Variants in THSD7A observed in about 807,000 individuals in gnomAD.
The protein encoded by THSD7A is thrombospondin type-1 domain-containing protein 7A.
In THSD7A, 96 loss-of-function variants were observed where a neutral mutation model predicts 231.3. That is an observed-to-expected ratio of 0.41 (90% confidence interval 0.35 to 0.49). The LOEUF is 0.49. THSD7A is among the 20% of genes least tolerant of loss of function. The pLI is 0.05. For missense variants in THSD7A, 2,290 were observed against 2,070.2 expected (o/e 1.11, Z -2.06); for synonymous variants, 940 against 743.3 (o/e 1.26, Z -4.30).
chr7:11,469,951 G>T lies in THSD7A; in HGVS notation c.2296C>A (p.Leu766Ile). 1 of 1,601,060 alleles carries T rather than the reference G, an allele frequency of 6.2e-7. No homozygotes were observed. The highest frequency in any genetic ancestry group is 8.5e-7 in the Non-Finnish European group (1 of 1,173,120). ...ACAATACAGTCCTTCTTACAAGGAA[G>T]CAGACAAGGCCTTACAGTTTCAGGT... ...LRPETVRPCLLPCKKDCIVTP... is the reference protein window; with the variant it reads ...LRPETVRPCLIPCKKDCIVTP... Residue 766 changes from leucine (L) to isoleucine (I), a missense_variant, in exon 9 of 28, where the codon CTT (leucine) becomes ATT (isoleucine). Leu to Ile is a conservative substitution (Grantham distance 5). Transcript: ENST00000423059.
chr7:11,472,161 T>C (rs939846288), intron 8 of THSD7A, among the ~76,000 whole-genome samples: 3 of 152,280 alleles, frequency 2.0e-5, no homozygotes, highest in South Asian at 4.1e-4. Context: ...GGACTTCCTT[T>C]GGCAAGGCAA....
intron 1 of THSD7A, among the ~76,000 whole-genome samples, chr7:11,668,905 G>A (rs1260726172): frequency 3.3e-5 from 5 of 151,740 alleles, no homozygotes; most frequent in Non-Finnish European, 7.4e-5. Context: ...ACACTCTACT[G>A]AATTCTGTAC....
intron 1 of THSD7A, among the ~76,000 whole-genome samples, chr7:11,722,946 A>G (rs1381712958): frequency 1.3e-5 from 2 of 151,992 alleles, no homozygotes; most frequent in Non-Finnish European, 2.9e-5. Flanking sequence ...AGAACTAGAA[A>G]TACCATTTGA....
chr7:11,774,822 A>C (rs1425667662), intron 1 of THSD7A, among the ~76,000 whole-genome samples: 1 of 152,224 alleles, frequency 6.6e-6, no homozygotes, highest in Non-Finnish European at 1.5e-5. Flanking sequence ...TGGGAGGACG[A>C]GGTGGACAAA....
chr7:11,616,538 T>A (rs868600131), intron 2 of THSD7A, among the ~76,000 whole-genome samples: 1 of 152,174 alleles, frequency 6.6e-6, no homozygotes, highest in South Asian at 2.1e-4. Context: ...TAATTTAATA[T>A]ATAAAAGCAT....
At chr7:11,743,003 G>A (rs1782163153) in intron 1 of THSD7A, among the ~76,000 whole-genome samples, 1 of 151,810 alleles carries the variant, frequency 6.6e-6, no homozygotes. Flanking sequence ...CTCCCTTATT[G>A]AAGAAATCTG....
chr7:11,825,370 T>G, intron 1 of THSD7A, among the ~76,000 whole-genome samples: 1 of 152,142 alleles, frequency 6.6e-6, no homozygotes, highest in East Asian at 1.9e-4. Context: ...CAGTGGTTTG[T>G]CTGATCTCAA....
At chr7:11,506,285 G>C (rs1331773150) in intron 6 of THSD7A, among the ~76,000 whole-genome samples, 2 of 152,098 alleles carry the variant, frequency 1.3e-5, no homozygotes, top group African/African-American at 4.8e-5. Flanking sequence ...GCCGCGCTGG[G>C]CCTGATGTTT....
At chr7:11,781,675 T>C (rs938117540) in intron 1 of THSD7A, among the ~76,000 whole-genome samples, 6 of 152,330 alleles carry the variant, frequency 3.9e-5, no homozygotes, top group African/African-American at 1.4e-4. Flanking sequence ...CTTGCTTGTA[T>C]GTTCGTAGAA....
chr7:11,424,672 C>G (rs1201367580), intron 16 of THSD7A, 24 bp downstream of exon 16: 2 of 1,613,268 alleles, frequency 1.2e-6, no homozygotes, highest in Non-Finnish European at 1.7e-6. Context: ...TCTTGCTTTT[C>G]TGTATAATTA....
rs186412212 is a variant in THSD7A, at chr7:11,703,232, A to T, written c.191-66271T>A. On this transcript the variant is annotated intron_variant, in intron 1 of 27. Coordinates refer to ENST00000423059, the MANE Select transcript of THSD7A (RefSeq NM_015204.3). ...TCTGGTGTTGAAGAGGCTAGAAAAT[A>T]TTTTTTTTCCCAAACTGTCTTAATT... 1.8e-3 allele frequency among the ~76,000 whole-genome samples: 271 copies of T among 151,124 alleles called. 1 individual carries two copies. The highest frequency in any genetic ancestry group is 6.3e-3 in the African/African-American group (261 of 41,366).
chr7:11,403,474 G>A (rs1185374855), intron 22 of THSD7A, among the ~76,000 whole-genome samples: 1 of 152,144 alleles, frequency 6.6e-6, no homozygotes, highest in African/African-American at 2.4e-5. Context: ...GAAAGTTTTA[G>A]AAACGCTTTT....
chr7:11,759,540 G>A (rs7341453), intron 1 of THSD7A, among the ~76,000 whole-genome samples: 12,409 of 151,830 alleles, frequency 0.082, 726 homozygotes, highest in African/African-American at 0.15. Flanking sequence ...GAAAGAATAA[G>A]GGAAGGCAAT....
At chr7:11,424,623 G>T in intron 16 of THSD7A, 73 bp downstream of exon 16, 1 of 1,585,714 alleles carries the variant, frequency 6.3e-7, no homozygotes, top group Admixed American at 1.7e-5. Flanking sequence ...GGAGTGAACA[G>T]TCATGTTGGC....
chr7:11,830,987 G>A (rs568149006), intron 1 of THSD7A, among the ~76,000 whole-genome samples: 1 of 152,048 alleles, frequency 6.6e-6, no homozygotes, highest in African/African-American at 2.4e-5. Context: ...AAGCGAACCC[G>A]CAGAAAAGGG....
At chr7:11,514,139 G>A (rs200904653) in intron 6 of THSD7A, among the ~76,000 whole-genome samples, 89 of 151,584 alleles carry the variant, frequency 5.9e-4, no homozygotes, top group African/African-American at 1.9e-3. Flanking sequence ...TTCCACCTCC[G>A]AGAGGCTCTC....
At chr7:11,672,538 G>A (rs1226399276) in intron 1 of THSD7A, among the ~76,000 whole-genome samples, 1 of 151,518 alleles carries the variant, frequency 6.6e-6, no homozygotes, top group East Asian at 1.9e-4. Context: ...TATTTATGTT[G>A]GTAGTATATT....
intron 1 of THSD7A, among the ~76,000 whole-genome samples, chr7:11,824,667 T>C (rs1189336931): frequency 6.6e-6 from 1 of 152,090 alleles, no homozygotes; most frequent in East Asian, 1.9e-4. Context: ...AACCAACCAA[T>C]ATAGTTTTAA....
At chr7:11,735,239 T>C (rs1217000241) in intron 1 of THSD7A, among the ~76,000 whole-genome samples, 1 of 151,910 alleles carries the variant, frequency 6.6e-6, no homozygotes, top group African/African-American at 2.4e-5. Flanking sequence ...GTATTTTTGG[T>C]GTTCTATGGT....
Sources: allele counts gnomAD v4.1 joint callset (sites outside exome capture counted in the v4.1 genomes callset), GRCh38; gene constraint gnomAD v4.1.1; transcripts MANE v1.5; gene names NCBI Gene and HGNC (gene_info 2026-07-23, HGNC 2026-07-21).